CFAP20DC: variants seen among roughly 807,000 people sequenced by gnomAD.
The protein encoded by CFAP20DC is protein CFAP20DC.
A neutral mutation model predicts 101.7 loss-of-function variants in CFAP20DC; 84 were observed. That is an observed-to-expected ratio of 0.83 (90% CI 0.69 to 0.99). The LOEUF (loss-of-function observed/expected upper bound fraction) is 0.99, where lower values mean the gene tolerates loss of function less well. Among genes scored for constraint, CFAP20DC ranks in the 50% least tolerant of loss-of-function variants. The pLI, the probability that CFAP20DC is intolerant of heterozygous loss-of-function variation, is 0.00. For synonymous variants in CFAP20DC, 359 were observed against 351.2 expected (o/e 1.02, Z -0.25); for missense variants, 1,007 against 970.3 (o/e 1.04, Z -0.50).
chr3:58,792,839 T>C (rs1032045232), intron 15 of CFAP20DC, among the ~76,000 whole-genome samples: 10 of 152,058 alleles, frequency 6.6e-5, no homozygotes, highest in African/African-American at 1.9e-4. Context: ...AGATAAATTC[T>C]TGTTGTAAGT....
intron 16 of CFAP20DC, among the ~76,000 whole-genome samples, chr3:58,751,542 T>C (rs2068574929): frequency 6.6e-6 from 1 of 151,918 alleles, no homozygotes; most frequent in African/African-American, 2.4e-5. Flanking sequence ...TGACCAGAGG[T>C]ATCTCTCTCT....
At chr3:58,857,648 G>T (rs9823332) in intron 12 of CFAP20DC, among the ~76,000 whole-genome samples, 1 of 151,946 alleles carries the variant, frequency 6.6e-6, no homozygotes, top group East Asian at 1.9e-4. Flanking sequence ...CCCTAGAACT[G>T]CTAATTCTGG....
At chr3:58,909,396 C>T (rs1201899444) in intron 6 of CFAP20DC, among the ~76,000 whole-genome samples, 1 of 152,100 alleles carries the variant, frequency 6.6e-6, no homozygotes, top group Non-Finnish European at 1.5e-5. Context: ...TCTTGTACAA[C>T]TTTTTGTTTT....
chr3:58,780,508 T>TA (rs969787631), intron 15 of CFAP20DC, among the ~76,000 whole-genome samples: 31 of 150,372 alleles, frequency 2.1e-4, no homozygotes, highest in African/African-American at 3.4e-4. Flanking sequence ...GCTGAATGAA[T>TA]AAAAAAAAAG....
chr3:58,862,369 A>G (rs1575998303), intron 12 of CFAP20DC: 3 of 985,454 alleles, frequency 3.0e-6, no homozygotes, highest in Non-Finnish European at 3.6e-6. Flanking sequence ...TATGTTATTA[A>G]AGGTGAAAGG....
At chr3:58,779,948 T>C (rs2071672370) in intron 15 of CFAP20DC, among the ~76,000 whole-genome samples, 1 of 152,022 alleles carries the variant, frequency 6.6e-6, no homozygotes, top group African/African-American at 2.4e-5. Flanking sequence ...GAGAGAATTA[T>C]AAAACCAGCA....
At position 58,809,228 on chromosome 3, in the gene CFAP20DC, C is replaced by A. The variant is rs1032385428; in HGVS notation, c.2176-2772G>T. ...TAATAGACATCTACAGAACTCTCCA[C>A]CCCAAATCAACAGAATATACATTTT... On this transcript the variant is annotated intron_variant, in intron 14 of 16. Transcript: ENST00000482387. Among the ~76,000 whole-genome samples the A allele has an allele frequency of 5.8e-4, 89 of 152,142 alleles. No homozygotes were observed. In the East Asian group the frequency reaches 0.013, roughly 22 times the overall value.
intron 6 of CFAP20DC, among the ~76,000 whole-genome samples, chr3:58,902,876 C>A (rs531558032): frequency 3.9e-5 from 6 of 152,122 alleles, no homozygotes; most frequent in African/African-American, 1.2e-4. Flanking sequence ...ATTTGTATTA[C>A]TTTTATTGTT....
Position 58,845,696 on chromosome 3 carries a change from CAG to C in CFAP20DC, c.1971+3334_1971+3335del, listed in dbSNP as rs2077574401. 5.9e-5 allele frequency among the ~76,000 whole-genome samples: 9 copies of C among 151,748 alleles called. No individual in the cohort carries two copies. The South Asian group carries it at 1.9e-3, about 32-fold the overall frequency. ...GCATCATCCTGATACCAAAGCCGGG[CAG>C]AGACACAACCAAAAAAGAGAATTTT... On this transcript the variant is annotated intron_variant, in intron 13 of 16. Transcript: ENST00000482387.
At chr3:58,779,518 A>G (rs1248521032) in intron 15 of CFAP20DC, among the ~76,000 whole-genome samples, 1 of 152,154 alleles carries the variant, frequency 6.6e-6, no homozygotes, top group Non-Finnish European at 1.5e-5. Flanking sequence ...TAAAGCAAAT[A>G]TTAGTAGATA....
chr3:58,742,398 C>T lies in CFAP20DC; in HGVS notation c.*62G>A, dbSNP rs9847931. ...ACATAAGTTGTGGTGACTCCTTAAG[C>T]GACCCTGAACTGCTATTCTGCTCCA... On this transcript the variant is annotated 3_prime_UTR_variant, in exon 17 of 17. Coordinates refer to ENST00000482387, the MANE Select transcript of CFAP20DC (RefSeq NM_001394063.1). 2,199 of 1,448,366 alleles carry T rather than the reference C, an allele frequency of 1.5e-3. 27 individuals are homozygous for T. In the African/African-American group the frequency reaches 0.028, roughly 19 times the overall value. 89.7% of individuals were successfully genotyped at this position (1,448,366 alleles called of 1,614,324 possible).
chr3:58,939,380 C>T (rs1351678874), intron 4 of CFAP20DC, among the ~76,000 whole-genome samples: 1 of 152,168 alleles, frequency 6.6e-6, no homozygotes, highest in Non-Finnish European at 1.5e-5. Context: ...ACTGCATTAA[C>T]CAAAAATTCA....
At chr3:58,936,663 C>T (rs1339417951) in intron 5 of CFAP20DC, among the ~76,000 whole-genome samples, 1 of 152,160 alleles carries the variant, frequency 6.6e-6, no homozygotes, top group African/African-American at 2.4e-5. Flanking sequence ...TCTCAGTAAA[C>T]TATCGCAAGG....
chr3:58,888,157 G>A (rs2081818925), intron 6 of CFAP20DC, among the ~76,000 whole-genome samples: 1 of 152,202 alleles, frequency 6.6e-6, no homozygotes, highest in Non-Finnish European at 1.5e-5. Context: ...GGTGAAGTGT[G>A]AAAATAGAAT....
chr3:58,949,282 C>G (rs535692230), intron 4 of CFAP20DC, among the ~76,000 whole-genome samples: 64 of 152,016 alleles, frequency 4.2e-4, no homozygotes, highest in Non-Finnish European at 7.5e-4. Flanking sequence ...TCTCTATTTC[C>G]TTCAGTTCTG....
In CFAP20DC at chr3:58,862,641, C is replaced by T. The variant is rs534364450; in HGVS notation, c.1593+917G>A. ...TTGGTGCTATGGACTTAATCTGTGC[C>T]TCACTGTCCAAAAAGGATTCTTAAT... On this transcript the variant is annotated intron_variant, in intron 12 of 16. Coordinates refer to ENST00000482387, the MANE Select transcript of CFAP20DC (RefSeq NM_001394063.1). 2.2e-4 allele frequency: 218 copies of T among 985,182 alleles called. 1 individual carries two copies. The African/African-American group carries it at 3.4e-3, about 15-fold the overall frequency. 61.0% of individuals were successfully genotyped at this position (985,182 alleles called of 1,614,324 possible). A position where few individuals can be genotyped will look rare whatever the true frequency, so the allele number is the denominator to read the frequency against.
At chr3:58,716,899 C>A (rs2067406875), downstream of CFAP20DC, among the ~76,000 whole-genome samples, 1 of 152,130 alleles carries the variant, frequency 6.6e-6, no homozygotes, top group Non-Finnish European at 1.5e-5. Flanking sequence ...CAAATAGGCC[C>A]ACTAGGCATT....
At chr3:58,807,215 G>A (rs1232172518) in intron 14 of CFAP20DC, among the ~76,000 whole-genome samples, 2 of 152,164 alleles carry the variant, frequency 1.3e-5, no homozygotes, top group Non-Finnish European at 2.9e-5. Context: ...GAGAGCAGTG[G>A]TTCTCCCAGC....
At chr3:58,866,535 T>C in intron 11 of CFAP20DC, 31 bp downstream of exon 11, 1 of 1,547,842 alleles carries the variant, frequency 6.5e-7, no homozygotes, top group South Asian at 1.2e-5. Context: ...TTATTCATTA[T>C]TAACAGATAT....
Sources: allele counts gnomAD v4.1 joint callset (sites outside exome capture counted in the v4.1 genomes callset), GRCh38; gene constraint gnomAD v4.1.1; transcripts MANE v1.5; gene names NCBI Gene and HGNC (gene_info 2026-07-23, HGNC 2026-07-21).